The following DNAH11 variants were observed in gnomAD, a reference collection of about 807,000 sequenced individuals.
DNAH11 encodes the protein dynein axonemal heavy chain 11.
In DNAH11, 442 loss-of-function variants were observed where a neutral mutation model predicts 526.0. The ratio of observed to expected loss-of-function variants is 0.84; its 90% CI spans 0.78 to 0.91. DNAH11 has a LOEUF of 0.91. DNAH11 is among the 40% of genes least tolerant of loss of function. DNAH11 has a pLI of 0.00. For missense variants in DNAH11, 6,989 were observed against 5,448.7 expected (o/e 1.28, Z -8.90); for synonymous variants, 2,461 against 1,935.9 (o/e 1.27, Z -7.12).
intron 15 of DNAH11, among the ~76,000 whole-genome samples, chr7:21,600,404 G>A (rs1785032769): frequency 1.3e-5 from 2 of 152,120 alleles, no homozygotes; most frequent in African/African-American, 4.8e-5. Context: ...GCTGCAGTGA[G>A]CTATGATTAA....
chr7:21,556,641 C>T (rs1356388002), intron 2 of DNAH11, among the ~76,000 whole-genome samples: 1 of 152,108 alleles, frequency 6.6e-6, no homozygotes, highest in South Asian at 2.1e-4. Context: ...AGCATAGTAT[C>T]CGATAGGCAG....
Position 21,748,462 on chromosome 7 carries a change from C to T in DNAH11, c.8511-118C>T, listed in dbSNP as rs796471037. 26 of 1,170,550 alleles carry T rather than the reference C, an allele frequency of 2.2e-5. No individual in the cohort carries two copies. In the African/African-American group the frequency reaches 3.9e-4, roughly 18 times the overall value. The allele number at this position is 1,170,550 out of a possible 1,614,324, so 72.5% of individuals were successfully genotyped here. On this transcript the variant is annotated intron_variant, in intron 51 of 81. Coordinates refer to ENST00000409508, the MANE Select transcript of DNAH11 (RefSeq NM_001277115.2). ...CAAGATCGCGCCACTGCACTCCGGCCTGGGCAACAGAGCAAGTCTCCATCT... is the reference window on the plus strand; with the variant it reads ...CAAGATCGCGCCACTGCACTCCGGCTTGGGCAACAGAGCAAGTCTCCATCT...
chr7:21,717,352 CT>C (rs1463516280), intron 42 of DNAH11, among the ~76,000 whole-genome samples: 1 of 152,026 alleles, frequency 6.6e-6, no homozygotes, highest in Non-Finnish European at 1.5e-5. Flanking sequence ...GAATTTTCAT[CT>C]TTTTATTCGT....
In DNAH11 at chr7:21,751,266, G is replaced by T. The variant is rs373743353; in HGVS notation, c.8940+902G>T. ...TTGAACCCAGGAGGCAGAGGTTGCA[G>T]TGAGCCAAGATCGCGCCATTGTACT... On this transcript the variant is annotated intron_variant, in intron 54 of 81. Coordinates refer to ENST00000409508, the MANE Select transcript of DNAH11 (RefSeq NM_001277115.2). Among the ~76,000 whole-genome samples the T allele has an allele frequency of 2.0e-4, 30 of 152,296 alleles. No individual in the cohort carries two copies. The East Asian group carries it at 4.3e-3, about 22-fold the overall frequency.
chr7:21,543,361 A>C lies in DNAH11; in HGVS notation c.116A>C (p.Glu39Ala). The C allele has an allele frequency of 1.3e-6, 2 of 1,551,428 alleles. No individual in the cohort carries two copies. The highest frequency in any genetic ancestry group is 4.9e-5 in the East Asian group (2 of 40,894). Residue 39 changes from glutamate (E) to alanine (A), a missense_variant, in exon 1 of 82, where the codon GAG (glutamate) becomes GCG (alanine). Transcript: ENST00000409508. ...AVGAVELEEE[E>A]ENEEEAAARR... ...GGCGCTGTGGAGCTCGAGGAGGAGGAGGAGAACGAGGAGGAGGCGGCGGCC... is the reference window on the plus strand; with the variant it reads ...GGCGCTGTGGAGCTCGAGGAGGAGGCGGAGAACGAGGAGGAGGCGGCGGCC...
chr7:21,627,898 C>A (rs1051349895), intron 25 of DNAH11, among the ~76,000 whole-genome samples: 1 of 152,126 alleles, frequency 6.6e-6, no homozygotes, highest in East Asian at 1.9e-4. Flanking sequence ...CTCTTCCAAT[C>A]CATGAGCGTG....
chr7:21,727,912 A>C (rs1194692746), intron 45 of DNAH11, among the ~76,000 whole-genome samples: 2 of 152,224 alleles, frequency 1.3e-5, no homozygotes, highest in African/African-American at 4.8e-5. Flanking sequence ...GTTTGCTGAT[A>C]GGCATCGCTT....
At chr7:21,598,950 G>C (rs1327304860) in intron 14 of DNAH11, among the ~76,000 whole-genome samples, 1 of 152,198 alleles carries the variant, frequency 6.6e-6, no homozygotes, top group Non-Finnish European at 1.5e-5. Context: ...AGTATTCCAT[G>C]TATACACGTA....
At chr7:21,713,975 G>C (rs1364926738) in intron 42 of DNAH11, among the ~76,000 whole-genome samples, 1 of 152,174 alleles carries the variant, frequency 6.6e-6, no homozygotes, top group African/African-American at 2.4e-5. Context: ...GACTCCCTCT[G>C]TACAGAGAAC....
At chr7:21,545,277 A>T in intron 2 of DNAH11, 128 bp downstream of exon 2, 2 of 475,606 alleles carry the variant, frequency 4.2e-6, no homozygotes. Context: ...GGGTGGTTAA[A>T]AAAAAAAAAA....
chr7:21,841,251 G>A (rs374087511), intron 65 of DNAH11, among the ~76,000 whole-genome samples: 16 of 151,992 alleles, frequency 1.1e-4, no homozygotes, highest in East Asian at 3.9e-4. Flanking sequence ...ATTTTAATAC[G>A]TTATTTAAGA....
intron 68 of DNAH11, among the ~76,000 whole-genome samples, chr7:21,861,208 A>G (rs1169498338): frequency 1.3e-5 from 2 of 152,250 alleles, no homozygotes; most frequent in African/African-American, 2.4e-5. Flanking sequence ...TTGCAACATG[A>G]AAAAGCTCTG....
intron 44 of DNAH11, among the ~76,000 whole-genome samples, chr7:21,721,373 C>T (rs1258352532): frequency 2.0e-5 from 3 of 152,180 alleles, no homozygotes; most frequent in Non-Finnish European, 2.9e-5. Flanking sequence ...ATCCCTGCAG[C>T]CTAAATTCAG....
chr7:21,821,348 G>C lies in DNAH11; in HGVS notation c.10691+3009G>C, dbSNP rs1790040892. On this transcript the variant is annotated intron_variant, in intron 65 of 81. Coordinates refer to ENST00000409508, the MANE Select transcript of DNAH11 (RefSeq NM_001277115.2). ...ATGTTGGTTGACCACGTAGATTGGG[G>C]AATATCTATCTGGCGAAGCAGTTAT... Among the ~76,000 whole-genome samples, 4 of 152,122 alleles carry C rather than the reference G, an allele frequency of 2.6e-5. No homozygotes were observed. The South Asian group carries it at 8.3e-4, about 32-fold the overall frequency.
At position 21,852,359 on chromosome 7, in the gene DNAH11, A is replaced by C. The variant is rs1583773477; in HGVS notation, c.10897-108A>C. On this transcript the variant is annotated intron_variant, in intron 66 of 81. Transcript: ENST00000409508. ...GAGGCACACGTCGCAGTGAGCCAAG[A>C]TCATACCACTGTACTCCAGCCTGGG... The C allele has an allele frequency of 6.7e-6, 8 of 1,196,246 alleles. No homozygotes were observed. In the African/African-American group the frequency reaches 7.8e-5, roughly 12 times the overall value. The allele number at this position is 1,196,246 out of a possible 1,614,324, so 74.1% of individuals were successfully genotyped here.
At chr7:21,800,240 C>T (rs746239015) in intron 61 of DNAH11, among the ~76,000 whole-genome samples, 7 of 152,142 alleles carry the variant, frequency 4.6e-5, no homozygotes, top group Non-Finnish European at 8.8e-5. Context: ...GGAAGGTGTT[C>T]CCTCTTTAAA....
intron 66 of DNAH11, among the ~76,000 whole-genome samples, chr7:21,848,659 T>C (rs923518701): frequency 5.9e-5 from 9 of 152,108 alleles, no homozygotes; most frequent in African/African-American, 1.4e-4. Context: ...GTAATATTTA[T>C]ATATTACAAC....
rs1783411212 is a variant in DNAH11 at position 21,687,177 on chromosome 7, A to G, written c.5700A>G (p.Thr1900=). The G allele has an allele frequency of 4.3e-6, 7 of 1,613,030 alleles. No homozygotes were observed. Among genetic ancestry groups the G allele is most frequent in the Non-Finnish European group, 5.1e-6 (6 of 1,179,462 alleles). The stretch of plus-strand genomic sequence containing the variant: ...CTGGCCCAGCTGGTACCGGGAAAAC[A>G]GAGACCACCAAAGACCTAGGACGTG... The part of the protein sequence containing the change: ...APAGPAGTGK[T]ETTKDLGRAL... Residue 1900 remains threonine (T), a synonymous_variant, in exon 33 of 82, where the codon ACA becomes ACG. Coordinates refer to ENST00000409508, the MANE Select transcript of DNAH11 (RefSeq NM_001277115.2).
At chr7:21,624,049 C>A (rs1254674102) in intron 25 of DNAH11, among the ~76,000 whole-genome samples, 1 of 151,788 alleles carries the variant, frequency 6.6e-6, no homozygotes, top group South Asian at 2.1e-4. Context: ...GAGGGCAGAG[C>A]CCTCATGGTA....
Sources: gnomAD v4.1 joint callset for allele counts (sites outside exome capture counted in the v4.1 genomes callset) on GRCh38, gnomAD v4.1.1 for gene constraint, MANE v1.5 for transcripts, NCBI Gene and HGNC (gene_info 2026-07-23, HGNC 2026-07-21) for gene names.